CAMSAP1: variants seen among roughly 807,000 people sequenced by gnomAD.
CAMSAP1 encodes calmodulin regulated spectrin associated protein 1.
CAMSAP1 carries 58 observed loss-of-function variants against 143.5 expected under a neutral mutation model. The ratio of observed to expected loss-of-function variants is 0.40; its 90% CI spans 0.33 to 0.50. CAMSAP1 has a LOEUF of 0.50. CAMSAP1 is among the 20% of genes least tolerant of loss of function. The pLI is 0.45. For missense variants in CAMSAP1, 1,969 were observed against 2,115.7 expected (o/e 0.93, Z 1.36); for synonymous variants, 945 against 859.3 (o/e 1.10, Z -1.74).
In CAMSAP1 at chr9:135,821,888, C is replaced by T. The variant is rs775316283; in HGVS notation, c.2773G>A (p.Glu925Lys). The part of the protein sequence containing the change: ...FLHVVKKGKA[E>K]AAPPLRPEHF... Reference sequence around the variant, plus strand: ...TCCGGCCTGAGGGGTGGGGCAGCCTCGGCCTTGCCCTTCTTCACCACATGC... The same window carrying T: ...TCCGGCCTGAGGGGTGGGGCAGCCTTGGCCTTGCCCTTCTTCACCACATGC... The change falls in exon 11 of 17, where the codon GAG (glutamate) becomes AAG (lysine). Residue 925 changes from glutamate (E) to lysine (K), a missense_variant. Glu to Lys is a moderately conservative substitution (Grantham distance 56). Around this residue, in one of 4 missense-constraint regions of CAMSAP1, gnomAD observed 1,390 missense variants for 1,420.8 expected, o/e 0.98. Transcript: ENST00000389532. The surrounding 1 kb of genome is among the most constrained non-coding windows in gnomAD (Gnocchi z 4.6). 9.9e-6 allele frequency: 16 copies of T among 1,614,012 alleles called. No individual in the cohort carries two copies. The South Asian group carries it at 1.2e-4, about 12-fold the overall frequency.
intron 3 of CAMSAP1, among the ~76,000 whole-genome samples, chr9:135,867,339 A>G (rs2130946001): frequency 6.6e-6 from 1 of 152,352 alleles, no homozygotes; most frequent in East Asian, 1.9e-4. Context: ...TTTTGTATGC[A>G]TGATTAAAAG....
rs947950168 is a variant in CAMSAP1 at position 135,907,342 on chromosome 9, G to T, written c.-183C>A. On this transcript the variant is annotated 5_prime_UTR_variant, in exon 1 of 17. Transcript: ENST00000389532. Reference sequence around the variant, plus strand: ...CGCCGTCGCCGCCCCCGCGGCTGCTGCATGCTGCGGGCGCTGAGCCCGAGC... The same window carrying T: ...CGCCGTCGCCGCCCCCGCGGCTGCTTCATGCTGCGGGCGCTGAGCCCGAGC... 1.5e-5 allele frequency: 3 copies of T among 199,586 alleles called. No individual in the cohort carries two copies. The allele number at this position is 199,586 out of a possible 1,614,324, so 12.4% of individuals were successfully genotyped here.
At chr9:135,819,628 G>C (rs1835370903) in intron 11 of CAMSAP1, among the ~76,000 whole-genome samples, 1 of 144,428 alleles carries the variant, frequency 6.9e-6, no homozygotes, top group African/African-American at 2.6e-5. Context: ...GAGGTCAGGA[G>C]TTCAAGACCA....
In CAMSAP1 at chr9:135,844,912, G is replaced by A. The variant is rs141996089; in HGVS notation, c.1045+5225C>T. Among the ~76,000 whole-genome samples the A allele has an allele frequency of 1.1e-3, 161 of 152,208 alleles. No homozygotes were observed. The East Asian group carries it at 0.015, about 14-fold the overall frequency. ...AACCGAAAAAAGCCCAGGAACAGAC[G>A]GATTCACAGTTGAATTCTACCAGAG... is the stretch of plus-strand genomic sequence containing the variant. On this transcript the variant is annotated intron_variant, in intron 7 of 16. Coordinates refer to ENST00000389532, the MANE Select transcript of CAMSAP1 (RefSeq NM_015447.4).
chr9:135,840,945 T>G (rs1411893877), intron 7 of CAMSAP1, among the ~76,000 whole-genome samples: 1 of 152,082 alleles, frequency 6.6e-6, no homozygotes, highest in Non-Finnish European at 1.5e-5. Context: ...ACCGAGCTAG[T>G]TGCAGGAGTT....
rs757630710 is a variant in CAMSAP1 at position 135,811,307 on chromosome 9, G to A, written c.*2C>T. ...ACCCTTTGGACGCCAGCTGCACCGG[G>A]GTCATTTACGAGTCTGGGCCTTCTT... is the stretch of plus-strand genomic sequence containing the variant. On this transcript the variant is annotated 3_prime_UTR_variant, in exon 17 of 17. Coordinates refer to ENST00000389532, the MANE Select transcript of CAMSAP1 (RefSeq NM_015447.4). The surrounding 1 kb of genome is among the most constrained non-coding windows in gnomAD (Gnocchi z 4.9). 2.5e-6 allele frequency: 4 copies of A among 1,611,072 alleles called. No homozygotes were observed. The highest frequency in any genetic ancestry group is 3.4e-6 in the Non-Finnish European group (4 of 1,178,174).
intron 7 of CAMSAP1, chr9:135,836,673 A>C (rs1836057501): frequency 1.0e-6 from 1 of 968,470 alleles, no homozygotes; most frequent in African/African-American, 2.2e-5. Context: ...CGTTCTACAG[A>C]CACACGTCAC....
Position 135,823,089 on chromosome 9 carries a change from G to A in CAMSAP1, c.1572C>T (p.Ser524=), listed in dbSNP as rs936158245. 6.2e-7 allele frequency: 1 copy of A among 1,613,916 alleles called. No homozygotes were observed. The highest frequency in any genetic ancestry group is 1.3e-5 in the African/African-American group (1 of 74,926). Residue 524 remains serine, a synonymous_variant, in exon 11 of 17, where the codon AGC becomes AGT. Coordinates refer to ENST00000389532, the MANE Select transcript of CAMSAP1 (RefSeq NM_015447.4). ...QNQPHPTATK[S]HGKSLLSNVS... is the part of the protein sequence containing the mutation. ...CATTGCTCAGGAGGCTCTTCCCGTG[G>A]CTCTTCGTGGCCGTGGGGTGTGGCT...
At position 135,882,878 on chromosome 9, in the gene CAMSAP1, C is replaced by T. The variant is rs541664597; in HGVS notation, c.361G>A (p.Val121Met). Residue 121 changes from valine to methionine, a missense_variant, in exon 2 of 17, where the codon GTG becomes ATG. Val to Met is a conservative substitution (Grantham distance 21). This residue lies in a region of CAMSAP1 where 215 missense variants were observed against 196.2 expected (regional missense o/e 1.10). Coordinates refer to ENST00000389532, the MANE Select transcript of CAMSAP1 (RefSeq NM_015447.4). The surrounding 1 kb of genome is among the most constrained non-coding windows in gnomAD (Gnocchi z 4.9). The stretch of plus-strand genomic sequence containing the variant: ...ACGGGGGTGTCATCACTCTCCATCA[C>T]ATAGATCCCTTTCCGGGACAGGGCC... ...IQALSRKGIY[V>M]MESDDTPVTE... 130 of 1,551,648 alleles carry T rather than the reference C, an allele frequency of 8.4e-5. 4 individuals carry two copies. In the South Asian group the frequency reaches 1.5e-3, roughly 17 times the overall value.
At chr9:135,812,889 G>A (rs374337999) in intron 16 of CAMSAP1, among the ~76,000 whole-genome samples, 1 of 152,050 alleles carries the variant, frequency 6.6e-6, no homozygotes, top group Admixed American at 6.5e-5. Context: ...TGGAGGGGTG[G>A]AGGTTGCAGT....
intron 7 of CAMSAP1, among the ~76,000 whole-genome samples, chr9:135,831,368 G>A (rs1001035503): frequency 1.3e-5 from 2 of 151,232 alleles, no homozygotes; most frequent in African/African-American, 2.4e-5. Flanking sequence ...ATGTGGTGGC[G>A]CAGACCTGTA....
At chr9:135,860,124 G>A (rs1182836282) in intron 5 of CAMSAP1, among the ~76,000 whole-genome samples, 1 of 152,044 alleles carries the variant, frequency 6.6e-6, no homozygotes, top group Non-Finnish European at 1.5e-5. Flanking sequence ...AGGAGGTTGA[G>A]ATGGGATAAT....
intron 8 of CAMSAP1, among the ~76,000 whole-genome samples, chr9:135,827,116 A>G (rs1203081953): frequency 6.6e-6 from 1 of 152,176 alleles, no homozygotes; most frequent in Middle Eastern, 3.2e-3. Context: ...TAATCTTTAG[A>G]TCGTTTCTTA....
Position 135,907,040 on chromosome 9 carries a change from G to A in CAMSAP1, c.120C>T (p.Ala40=), listed in dbSNP as rs1235127615. The change falls in exon 1 of 17, where the codon GCC becomes GCT. Residue 40 remains alanine (A), a synonymous_variant. Coordinates refer to ENST00000389532, the MANE Select transcript of CAMSAP1 (RefSeq NM_015447.4). ...DRYDAARAKI[A]ANLQWICAKA... ...TGGCGCAGATCCACTGCAGGTTGGC[G>A]GCGATCTTGGCGCGCGCCGCGTCGT... The A allele has an allele frequency of 7.5e-6, 9 of 1,201,892 alleles. No homozygotes were observed. The highest frequency in any genetic ancestry group is 2.2e-5 in the South Asian group (1 of 45,540). 74.5% of individuals were successfully genotyped at this position (1,201,892 alleles called of 1,614,324 possible).
intron 5 of CAMSAP1, among the ~76,000 whole-genome samples, chr9:135,853,455 C>T (rs1836847847): frequency 6.6e-6 from 1 of 152,226 alleles, no homozygotes; most frequent in South Asian, 2.1e-4. Context: ...AGAATTTCTG[C>T]ATTGCCTTGT....
At chr9:135,844,705 A>C (rs1167134263) in intron 7 of CAMSAP1, among the ~76,000 whole-genome samples, 1 of 152,234 alleles carries the variant, frequency 6.6e-6, no homozygotes, top group African/African-American at 2.4e-5. Context: ...GATCCCGCAG[A>C]AATACAAACT....
chr9:135,867,477 C>CCCTTT (rs762998180), intron 3 of CAMSAP1, among the ~76,000 whole-genome samples: 1 of 139,524 alleles, frequency 7.2e-6, no homozygotes, highest in Non-Finnish European at 1.6e-5. Context: ...AGACCCCCCT[C>CCCTTT]TTTTTTTTTT....
At chr9:135,815,676 G>T (rs756459843) in intron 15 of CAMSAP1, among the ~76,000 whole-genome samples, 3 of 152,276 alleles carry the variant, frequency 2.0e-5, no homozygotes, top group Non-Finnish European at 4.4e-5. Flanking sequence ...CAGCAGGGCA[G>T]ATGACCAGGA....
chr9:135,817,259 C>T (rs978543542), intron 14 of CAMSAP1, among the ~76,000 whole-genome samples: 14 of 152,240 alleles, frequency 9.2e-5, no homozygotes, highest in Non-Finnish European at 1.9e-4. Flanking sequence ...GAATGGGGAC[C>T]GCAAATCGGA....
Sources: allele counts gnomAD v4.1 joint callset (sites outside exome capture counted in the v4.1 genomes callset), GRCh38; gene constraint gnomAD v4.1.1; regional missense constraint gnomAD v4.1.1; non-coding constraint Gnocchi (gnomAD v3.1); transcripts MANE v1.5; gene names NCBI Gene and HGNC (gene_info 2026-07-23, HGNC 2026-07-21).